Variants in ISG20 observed in about 807,000 individuals in gnomAD.
ISG20 encodes the protein interferon stimulated exonuclease gene 20.
Under a neutral mutation model 11.1 loss-of-function variants are expected in ISG20, and 8 were observed. That is an observed-to-expected ratio of 0.72 (90% confidence interval 0.42 to 1.30). The LOEUF (loss-of-function observed/expected upper bound fraction) is 1.30, where lower values mean the gene tolerates loss of function less well. Among genes scored for constraint, ISG20 ranks in the 50% most tolerant of loss-of-function variants. ISG20 has a pLI of 0.01. For missense variants in ISG20, 243 were observed against 250.2 expected, an observed-to-expected ratio of 0.97 and a Z score of 0.19; for synonymous variants, 110 against 101.7, an observed-to-expected ratio of 1.08 and a Z score of -0.49.
In ISG20 at chr15:88,652,141, T is replaced by C. The variant is rs564960373; in HGVS notation, c.260T>C (p.Val87Ala). 6.2e-7 allele frequency: 1 copy of C among 1,614,008 alleles called. No individual in the cohort carries two copies. Among genetic ancestry groups the C allele is most frequent in the East Asian group, 2.2e-5 (1 of 44,858 alleles). ...ILQLLKGKLV[V>A]GHDLKHDFQA... is the part of the protein sequence containing the mutation. Reference sequence around the variant, plus strand: ...CAGCTCCTGAAAGGCAAGCTGGTGGTGGGTCATGACCTGAAGCACGACTTC... The same window carrying C: ...CAGCTCCTGAAAGGCAAGCTGGTGGCGGGTCATGACCTGAAGCACGACTTC... The change falls in exon 3 of 4, where the codon GTG (valine) becomes GCG (alanine). Residue 87 changes from valine to alanine, a missense_variant. Physicochemically the swap from Val to Ala is moderately conservative, Grantham distance 64. Transcript: ENST00000306072.
At chr15:88,641,001 AT>A (rs576359257) in intron 2 of ISG20, among the ~76,000 whole-genome samples, 18 of 148,048 alleles carry the variant, frequency 1.2e-4, no homozygotes, top group Admixed American at 2.7e-4. Flanking sequence ...TTTTATTATT[AT>A]TTTTTTTTTA....
chr15:88,642,806 G>A (rs2058105043), intron 2 of ISG20, among the ~76,000 whole-genome samples: 1 of 151,826 alleles, frequency 6.6e-6, no homozygotes, highest in African/African-American at 2.4e-5. Context: ...CAGTAGAGAC[G>A]GGGTTTCACC....
At chr15:88,638,870 G>A (rs1488297331), upstream of ISG20, 2 of 170,656 alleles carry the variant, frequency 1.2e-5, no homozygotes, top group African/African-American at 4.8e-5. Context: ...CTCCCCACCT[G>A]CCGGTAGCCC....
At chr15:88,638,307 C>T (rs1297153528), upstream of ISG20, among the ~76,000 whole-genome samples, 6 of 152,332 alleles carry the variant, frequency 3.9e-5, no homozygotes, top group Middle Eastern at 3.4e-3. Flanking sequence ...AAATACCAAG[C>T]CCTCCCTATC....
In ISG20 at chr15:88,639,414, GC is replaced by G; in HGVS notation, c.49del (p.Leu17TrpfsTer15). 6.2e-7 allele frequency: 1 copy of G among 1,613,930 alleles called. No individual in the cohort carries two copies. The highest frequency in any genetic ancestry group is 8.5e-7 in the Non-Finnish European group (1 of 1,179,948). ...VVAMDCEMVG[L>X]GPHRESGLAR... The stretch of plus-strand genomic sequence containing the variant: ...TGGCCATGGACTGCGAGATGGTGGG[GC>G]TGGGGCCCCACCGGGAGAGTGGCCT... On this transcript the variant is annotated frameshift_variant, in exon 2 of 4. Transcript: ENST00000306072. LOFTEE classifies it high-confidence loss of function. This position sits in a 1 kb window ranked among gnomAD's most constrained non-coding sequence, Gnocchi z 4.2.
intron 3 of ISG20, among the ~76,000 whole-genome samples, chr15:88,654,886 C>A (rs868152127): frequency 1.3e-5 from 2 of 152,320 alleles, no homozygotes; most frequent in Middle Eastern, 3.4e-3. Flanking sequence ...AATCCAGGCC[C>A]ACCATCCGTC....
chr15:88,641,147 C>T (rs2141389536), intron 2 of ISG20, among the ~76,000 whole-genome samples: 1 of 152,204 alleles, frequency 6.6e-6, no homozygotes, highest in African/African-American at 2.4e-5. Flanking sequence ...CACCCGCCAC[C>T]ATGCCCGGCT....
chr15:88,636,432 GC>G (rs2057986184), upstream of ISG20: 5 of 152,252 alleles, frequency 3.3e-5, no homozygotes, highest in Non-Finnish European at 5.9e-5. Flanking sequence ...GGTTCTAGGT[GC>G]TGGGGCCCCA....
chr15:88,647,395 A>G (rs1401561240), intron 2 of ISG20: 1 of 152,212 alleles, frequency 6.6e-6, no homozygotes, highest in African/African-American at 2.4e-5. Context: ...AGTGGCCGGT[A>G]TCTAGTGGGT....
rs916808052 is a variant in ISG20 at position 88,650,169 on chromosome 15, A to G, written c.229-1941A>G. On this transcript the variant is annotated intron_variant, in intron 2 of 3. Transcript: ENST00000306072. This position sits in a 1 kb window ranked among gnomAD's most constrained non-coding sequence, Gnocchi z 4.0. ...CGAAGGCTGTCCTAGAGCTGTCCAA[A>G]GTGGGCCTGGACTAGCCACGAGCCG... 8.2e-6 allele frequency: 11 copies of G among 1,341,152 alleles called. No individual in the cohort carries two copies. The African/African-American group carries it at 1.4e-4, about 18-fold the overall frequency. 83.1% of individuals were successfully genotyped at this position (1,341,152 alleles called of 1,614,324 possible). A position where few individuals can be genotyped will look rare whatever the true frequency, so the allele number is the denominator to read the frequency against.
At chr15:88,644,531 C>A (rs2058135774) in intron 2 of ISG20, among the ~76,000 whole-genome samples, 1 of 87,054 alleles carries the variant, frequency 1.1e-5, no homozygotes, top group African/African-American at 3.9e-5. Context: ...GACTTAGTCT[C>A]CAAAAAAAAA....
intron 2 of ISG20, among the ~76,000 whole-genome samples, chr15:88,641,311 T>C (rs990299386): frequency 6.6e-6 from 1 of 152,122 alleles, no homozygotes; most frequent in African/African-American, 2.4e-5. Context: ...TACCTTATTA[T>C]CCCCATATTA....
upstream of ISG20, chr15:88,636,309 G>C (rs191484901): frequency 6.6e-6 from 1 of 152,236 alleles, no homozygotes; most frequent in Non-Finnish European, 1.5e-5. Flanking sequence ...CGTCGGCACC[G>C]GGAAACCCTG....
At chr15:88,642,070 T>C (rs914589236) in intron 2 of ISG20, among the ~76,000 whole-genome samples, 1 of 151,720 alleles carries the variant, frequency 6.6e-6, no homozygotes, top group East Asian at 1.9e-4. Context: ...AGTTGTAGTA[T>C]AGGTGTCCGC....
rs762857260 is a variant in ISG20 at position 88,650,188 on chromosome 15, C to T, written c.229-1922C>T. The T allele has an allele frequency of 8.9e-5, 133 of 1,497,150 alleles. No homozygotes were observed. The highest frequency in any genetic ancestry group is 6.4e-4 in the African/African-American group (46 of 72,434). 92.7% of individuals were successfully genotyped at this position (1,497,150 alleles called of 1,614,324 possible). On this transcript the variant is annotated intron_variant, in intron 2 of 3. Coordinates refer to ENST00000306072, the MANE Select transcript of ISG20 (RefSeq NM_002201.6). The surrounding 1 kb of genome is among the most constrained non-coding windows in gnomAD (Gnocchi z 4.0). ...GTCCAAAGTGGGCCTGGACTAGCCACGAGCCGCCCCTTTCCCTAATAGAGC... is the reference window on the plus strand; with the variant it reads ...GTCCAAAGTGGGCCTGGACTAGCCATGAGCCGCCCCTTTCCCTAATAGAGC...
intron 3 of ISG20, among the ~76,000 whole-genome samples, chr15:88,653,406 G>C (rs548530069): frequency 3.9e-5 from 6 of 152,276 alleles, no homozygotes; most frequent in Admixed American, 3.9e-4. Flanking sequence ...GAGGCTCGGG[G>C]AGGGGCTGGG....
intron 3 of ISG20, among the ~76,000 whole-genome samples, chr15:88,653,580 G>T (rs1467186517): frequency 6.6e-6 from 1 of 152,098 alleles, no homozygotes; most frequent in Non-Finnish European, 1.5e-5. Context: ...CTCTCAGTCT[G>T]GGGCCTTAAG....
rs1266025896 is a variant in ISG20 at position 88,655,938 on chromosome 15, AGTT to A, written c.*409_*411del. 1 of 160,106 alleles carries A rather than the reference AGTT, an allele frequency of 6.2e-6. No homozygotes were observed. The highest frequency in any genetic ancestry group is 2.4e-5 in the African/African-American group (1 of 41,446). 9.9% of individuals were successfully genotyped at this position (160,106 alleles called of 1,614,324 possible). On this transcript the variant is annotated 3_prime_UTR_variant, in exon 4 of 4. Transcript: ENST00000306072. ...CTGGGGTGGCATTCAGCTCCTCTTG[AGTT>A]GGTGCCACAGCATTTGTGGGCTTTG...
At chr15:88,642,235 C>G (rs2058094206) in intron 2 of ISG20, among the ~76,000 whole-genome samples, 1 of 152,094 alleles carries the variant, frequency 6.6e-6, no homozygotes, top group Non-Finnish European at 1.5e-5. Context: ...AGCCAACTTC[C>G]TCTTTTTCAA....
Sources: gnomAD v4.1 joint callset for allele counts (sites outside exome capture counted in the v4.1 genomes callset) on GRCh38, gnomAD v4.1.1 for gene constraint, Gnocchi (gnomAD v3.1) non-coding constraint, MANE v1.5 for transcripts, NCBI Gene and HGNC (gene_info 2026-07-23, HGNC 2026-07-21) for gene names.